POMT2: variants seen among roughly 807,000 people sequenced by gnomAD.
POMT2 encodes the protein protein O-mannosyl-transferase 2.
POMT2 carries 75 observed loss-of-function variants against 100.0 expected under a neutral mutation model. The observed-to-expected ratio is 0.75, with a 90% confidence interval of 0.62 to 0.91. The LOEUF is 0.91. Ranked by LOEUF, POMT2 falls within the 40% of genes least tolerant of loss-of-function variation. The probability of loss-of-function intolerance (pLI) is 0.00; values close to 1 mark genes in which losing one functional copy is unlikely to be tolerated. For synonymous variants in POMT2, 378 were observed against 374.1 expected (o/e 1.01, Z -0.12); for missense variants, 940 against 955.1 (o/e 0.98, Z 0.21).
intron 9 of POMT2, among the ~76,000 whole-genome samples, chr14:77,295,556 C>T (rs1402954746): frequency 6.7e-6 from 1 of 150,042 alleles, no homozygotes; most frequent in Non-Finnish European, 1.5e-5. Flanking sequence ...GGCGTGAACC[C>T]GGGAGGCGGA....
At chr14:77,285,765 G>T in intron 12 of POMT2, 133 bp from the exon 13 acceptor site, 1 of 1,068,028 alleles carries the variant, frequency 9.4e-7, no homozygotes, top group Non-Finnish European at 1.4e-6. Flanking sequence ...CAATGATAGA[G>T]ATGGGCAAGG....
Position 77,302,949 on chromosome 14 carries a change from A to G in POMT2, c.548-6T>C. The G allele has an allele frequency of 1.2e-6, 2 of 1,604,806 alleles. No individual in the cohort carries two copies. Among genetic ancestry groups the G allele is most frequent in the Non-Finnish European group, 8.5e-7 (1 of 1,172,480 alleles). ...CAGAGTGAGGCATCCCGTGTCTGAA[A>G]AACATGAGCTCGCTGGTGAAAAAGC... On this transcript the variant is annotated splice_polypyrimidine_tract_variant and splice_region_variant and intron_variant, in intron 4 of 20. Transcript: ENST00000261534.
intron 2 of POMT2, among the ~76,000 whole-genome samples, chr14:77,311,393 T>C (rs1891430954): frequency 6.6e-6 from 1 of 152,242 alleles, no homozygotes; most frequent in South Asian, 2.1e-4. Flanking sequence ...TGGGTGGTTT[T>C]AAGTATATTC....
At chr14:77,304,501 G>A (rs973640285) in intron 4 of POMT2, among the ~76,000 whole-genome samples, 191 bp downstream of exon 4, 4 of 152,130 alleles carry the variant, frequency 2.6e-5, no homozygotes, top group African/African-American at 9.7e-5. Context: ...ATAATATAAA[G>A]GCTTGTTATA....
chr14:77,309,440 G>C (rs1300539023), intron 2 of POMT2, among the ~76,000 whole-genome samples: 1 of 152,104 alleles, frequency 6.6e-6, no homozygotes, highest in Non-Finnish European at 1.5e-5. Context: ...CTACTTGGAG[G>C]GGTTTTGATT....
intron 15 of POMT2, among the ~76,000 whole-genome samples, chr14:77,281,094 CA>C (rs1890209769): frequency 8.7e-6 from 1 of 115,014 alleles, no homozygotes; most frequent in South Asian, 3.3e-4. Context: ...GACTCAGTCT[CA>C]AAATAAATAA....
Position 77,277,097 on chromosome 14 carries a change from C to G in POMT2, c.*279G>C, listed in dbSNP as rs1025855854. 2.0e-6 allele frequency: 1 copy of G among 502,866 alleles called. No homozygotes were observed. Among genetic ancestry groups the G allele is most frequent in the African/African-American group, 1.9e-5 (1 of 51,872 alleles). The allele number at this position is 502,866 out of a possible 1,614,324, so 31.2% of individuals were successfully genotyped here. A position where few individuals can be genotyped will look rare whatever the true frequency, so the allele number is the denominator to read the frequency against. On this transcript the variant is annotated 3_prime_UTR_variant, in exon 21 of 21. Coordinates refer to ENST00000261534, the MANE Select transcript of POMT2 (RefSeq NM_013382.7). The stretch of plus-strand genomic sequence containing the variant: ...TCACATACACACACGCGCACCCACT[C>G]CCACCCTCTGGCACCCATCCTCCCC...
rs775205881 is a variant in POMT2, at chr14:77,279,955, G to A, written c.1786-27C>T. ...TGTGCAGAAATGGGAATGGGCAGAT[G>A]AGAACGCAGCCGCTCTCCACGGGCA... is the stretch of plus-strand genomic sequence containing the variant. On this transcript the variant is annotated intron_variant, in intron 17 of 20. Transcript: ENST00000261534. The A allele has an allele frequency of 2.2e-5, 35 of 1,614,044 alleles. No homozygotes were observed. The African/African-American group carries it at 2.4e-4, about 11-fold the overall frequency.
At chr14:77,300,874 A>T in intron 6 of POMT2, 1 of 673,352 alleles carries the variant, frequency 1.5e-6, no homozygotes, top group Non-Finnish European at 2.4e-6. Context: ...GACTTCCAAG[A>T]ATGTTAATCT....
chr14:77,277,379 A>G lies in POMT2; in HGVS notation c.2250T>C (p.Phe750=), dbSNP rs1890006083. 1 of 1,610,872 alleles carries G rather than the reference A, an allele frequency of 6.2e-7. No homozygotes were observed. The change falls in exon 21 of 21, where the codon TTT becomes TTC. Residue 750 remains phenylalanine, a synonymous_variant. Coordinates refer to ENST00000261534, the MANE Select transcript of POMT2 (RefSeq NM_013382.7). The part of the protein sequence containing the change: ...AGLRWLDSWD[F] ...GGCTGGAATCTTTGCAGTGGCCTCA[A>G]AAGTCCCATGAGTCCAGCCACCTTA...
chr14:77,297,273 C>T (rs144416505), intron 8 of POMT2, among the ~76,000 whole-genome samples: 55 of 152,286 alleles, frequency 3.6e-4, no homozygotes, highest in African/African-American at 1.2e-3. Flanking sequence ...ACTTCTCGAC[C>T]GCACACTCTC....
At chr14:77,279,798 G>A (rs753478374) in intron 18 of POMT2, 25 bp downstream of exon 18, 2 of 1,604,890 alleles carry the variant, frequency 1.2e-6, no homozygotes, top group South Asian at 1.1e-5. Context: ...CCAGGTCAGG[G>A]GAGGGAGAGC....
At chr14:77,298,896 G>C (rs1000032443) in intron 7 of POMT2, 125 bp from the exon 8 acceptor site, 1 of 942,488 alleles carries the variant, frequency 1.1e-6, no homozygotes, top group Admixed American at 2.0e-5. Context: ...TGGGACAGAG[G>C]TGGGTGATGG....
Position 77,293,702 on chromosome 14 carries a change from G to C in POMT2, c.1117-2322C>G, listed in dbSNP as rs543037035. ...AACAGGATGAAAGGCTAAAAGATCT[G>C]GTCAATGACAAAGCCAGACACTTTC... is the stretch of plus-strand genomic sequence containing the variant. On this transcript the variant is annotated intron_variant, in intron 9 of 20. Transcript: ENST00000261534. Among the ~76,000 whole-genome samples the C allele has an allele frequency of 8.5e-5, 13 of 152,286 alleles. No individual in the cohort carries two copies. In the East Asian group the frequency reaches 2.5e-3, roughly 29 times the overall value.
chr14:77,279,036 C>G (rs779439609), intron 18 of POMT2, 167 bp from the exon 19 acceptor site: 1 of 932,492 alleles, frequency 1.1e-6, no homozygotes, highest in Non-Finnish European at 1.7e-6. Flanking sequence ...AGCTGGGGCT[C>G]GAGAGCTCTG....
intron 5 of POMT2, among the ~76,000 whole-genome samples, chr14:77,301,736 G>C (rs1417603571): frequency 6.6e-6 from 1 of 152,186 alleles, no homozygotes; most frequent in Non-Finnish European, 1.5e-5. Context: ...AGAGGATCCT[G>C]TCACTAGGTC....
intron 6 of POMT2, chr14:77,300,819 CAAAA>C: frequency 1.2e-5 from 4 of 339,248 alleles, no homozygotes; most frequent in South Asian, 2.5e-5. Flanking sequence ...AACTCTATCT[CAAAA>C]AAAAAAAAAA....
At position 77,320,860 on chromosome 14, in the gene POMT2, C is replaced by T; in HGVS notation, c.-179G>A. ...GCGGGCAGCGTGGTCGCGGCCCGGG[C>T]CGCTAGGAGGCGGCAGGAGGCGCAG... On this transcript the variant is annotated 5_prime_UTR_variant, in exon 1 of 21. Coordinates refer to ENST00000261534, the MANE Select transcript of POMT2 (RefSeq NM_013382.7). 7.8e-7 allele frequency: 1 copy of T among 1,278,210 alleles called. No homozygotes were observed. The highest frequency in any genetic ancestry group is 1.0e-6 in the Non-Finnish European group (1 of 993,202). The allele number at this position is 1,278,210 out of a possible 1,614,324, so 79.2% of individuals were successfully genotyped here.
At chr14:77,309,669 A>T (rs116143243) in intron 2 of POMT2, among the ~76,000 whole-genome samples, 5,993 of 151,914 alleles carry the variant, frequency 0.039, 398 homozygotes, top group African/African-American at 0.14. Flanking sequence ...CTTTGATATA[A>T]TATTATTATA....
Sources: allele counts gnomAD v4.1 joint callset (sites outside exome capture counted in the v4.1 genomes callset), GRCh38; gene constraint gnomAD v4.1.1; transcripts MANE v1.5; gene names NCBI Gene and HGNC (gene_info 2026-07-23, HGNC 2026-07-21).